Variants in EMILIN1 observed in about 807,000 individuals in gnomAD.
The protein encoded by EMILIN1 is EMILIN-1.
In EMILIN1, 49 loss-of-function variants were observed where a neutral mutation model predicts 82.4. That is an observed-to-expected ratio of 0.59 (90% CI 0.47 to 0.75). The LOEUF (loss-of-function observed/expected upper bound fraction) is 0.75, where lower values mean the gene tolerates loss of function less well. Ranked by LOEUF, EMILIN1 falls within the 30% of genes least tolerant of loss-of-function variation. The pLI is 0.00. For missense variants in EMILIN1, 1,313 were observed against 1,366.4 expected (o/e 0.96, Z 0.62); for synonymous variants, 604 against 602.2 (o/e 1.00, Z -0.04).
At chr2:27,079,966 A>T (rs1669444803) in intron 1 of EMILIN1, among the ~76,000 whole-genome samples, 185 bp from the exon 2 acceptor site, 1 of 152,174 alleles carries the variant, frequency 6.6e-6, no homozygotes, top group Non-Finnish European at 1.5e-5. Flanking sequence ...AAAAGTCTTT[A>T]TCTGCTCCTG....
In EMILIN1 at chr2:27,078,809, C is replaced by G. The variant is rs906652487; in HGVS notation, c.-257C>G. ...GGGAGGCCAGAGGGGGCACAGAGAA[C>G]AAACCCCCTCAGAAGTGAAGAGGAG... On this transcript the variant is annotated 5_prime_UTR_variant, in exon 1 of 8. Transcript: ENST00000380320. The G allele has an allele frequency of 2.4e-6, 1 of 424,542 alleles. No individual in the cohort carries two copies. 26.3% of individuals were successfully genotyped at this position (424,542 alleles called of 1,614,324 possible). A position where few individuals can be genotyped will look rare whatever the true frequency, so the allele number is the denominator to read the frequency against.
chr2:27,083,204 C>T lies in EMILIN1; in HGVS notation c.1633C>T (p.Arg545Cys), dbSNP rs569070507. Reference sequence around the variant, plus strand: ...AGAGGTTGTGGGCCGGCTCCAGGATCGTGTGGATGCCCAGGATGAGACAGC... The same window carrying T: ...AGAGGTTGTGGGCCGGCTCCAGGATTGTGTGGATGCCCAGGATGAGACAGC... ...LQEVVGRLQD[R>C]VDAQDETAAE... Residue 545 changes from arginine to cysteine, a missense_variant, in exon 4 of 8, where the codon CGT becomes TGT. Coordinates refer to ENST00000380320, the MANE Select transcript of EMILIN1 (RefSeq NM_007046.4). 4.3e-6 allele frequency: 7 copies of T among 1,611,656 alleles called. No homozygotes were observed. The highest frequency in any genetic ancestry group is 4.5e-5 in the East Asian group (2 of 44,814).
Position 27,082,494 on chromosome 2 carries a change from G to A in EMILIN1, c.923G>A (p.Gly308Glu). The A allele has an allele frequency of 6.5e-7, 1 of 1,549,830 alleles. No homozygotes were observed. The highest frequency in any genetic ancestry group is 8.7e-7 in the Non-Finnish European group (1 of 1,148,524). The change falls in exon 4 of 8, where the codon GGG (glycine) becomes GAG (glutamate). Residue 308 changes from glycine to glutamate, a missense_variant. Gly to Glu is a moderately conservative substitution (Grantham distance 98). Coordinates refer to ENST00000380320, the MANE Select transcript of EMILIN1 (RefSeq NM_007046.4). ...LQESCSVCLA[G>E]LDGFRRQQQE... Reference sequence around the variant, plus strand: ...GAGTCCTGCTCCGTGTGCCTGGCCGGGCTAGATGGCTTCCGCCGGCAGCAG... The same window carrying A: ...GAGTCCTGCTCCGTGTGCCTGGCCGAGCTAGATGGCTTCCGCCGGCAGCAG...
At chr2:27,084,178 A>C (rs1023341787) in intron 4 of EMILIN1, among the ~76,000 whole-genome samples, 167 bp downstream of exon 4, 1 of 152,074 alleles carries the variant, frequency 6.6e-6, no homozygotes, top group Non-Finnish European at 1.5e-5. Flanking sequence ...GAGATGATGC[A>C]AGGTCCTAGC....
rs906683476 is a variant in EMILIN1 at position 27,079,026 on chromosome 2, G to A, written c.-40G>A. Reference sequence around the variant, plus strand: ...GGCCGGCAGAGGCGCCAGTGGCTGGGCGGGATGAGTCTCTGAGGGCCACTG... The same window carrying A: ...GGCCGGCAGAGGCGCCAGTGGCTGGACGGGATGAGTCTCTGAGGGCCACTG... On this transcript the variant is annotated 5_prime_UTR_variant, in exon 1 of 8. Transcript: ENST00000380320. 2 of 1,474,696 alleles carry A rather than the reference G, an allele frequency of 1.4e-6. No individual in the cohort carries two copies. The highest frequency in any genetic ancestry group is 2.4e-5 in the Admixed American group (1 of 41,682). 91.4% of individuals were successfully genotyped at this position (1,474,696 alleles called of 1,614,324 possible). A position where few individuals can be genotyped will look rare whatever the true frequency, so the allele number is the denominator to read the frequency against.
Position 27,083,780 on chromosome 2 carries a change from T to C in EMILIN1, c.2209T>C (p.Leu737=), listed in dbSNP as rs1282827773. ...LGRLEGVCER[L]DTVAGGLQGL... is the part of the protein sequence containing the mutation. ...CCGTCTTGAGGGTGTCTGTGAACGG[T>C]TGGACACTGTGGCTGGGGGACTGCA... The change falls in exon 4 of 8, where the codon TTG becomes CTG. Residue 737 remains leucine, a synonymous_variant. Coordinates refer to ENST00000380320, the MANE Select transcript of EMILIN1 (RefSeq NM_007046.4). 8.1e-6 allele frequency: 13 copies of C among 1,607,142 alleles called. No individual in the cohort carries two copies. The highest frequency in any genetic ancestry group is 1.3e-5 in the African/African-American group (1 of 74,786).
chr2:27,079,308 C>T lies in EMILIN1; in HGVS notation c.170+73C>T, dbSNP rs1439224667. The stretch of plus-strand genomic sequence containing the variant: ...CAGAATGCCACCTCTGCCTGGCTCT[C>T]TGCTGTGTCCGCTAATGCAGGGCAG... On this transcript the variant is annotated intron_variant, in intron 1 of 7. Transcript: ENST00000380320. The T allele has an allele frequency of 4.6e-6, 6 of 1,298,880 alleles. No individual in the cohort carries two copies. In the East Asian group the frequency reaches 1.8e-4, roughly 38 times the overall value. The allele number at this position is 1,298,880 out of a possible 1,614,324, so 80.5% of individuals were successfully genotyped here. A position where few individuals can be genotyped will look rare whatever the true frequency, so the allele number is the denominator to read the frequency against.
chr2:27,079,827 A>G (rs1393785500), intron 1 of EMILIN1, among the ~76,000 whole-genome samples: 3 of 152,214 alleles, frequency 2.0e-5, no homozygotes, highest in Non-Finnish European at 4.4e-5. Context: ...ACAGCATGCC[A>G]ATCTGGGGAC....
Position 27,082,450 on chromosome 2 carries a change from G to C in EMILIN1, c.879G>C (p.Gln293His). The C allele has an allele frequency of 6.3e-7, 1 of 1,578,184 alleles. No individual in the cohort carries two copies. The highest frequency in any genetic ancestry group is 8.6e-7 in the Non-Finnish European group (1 of 1,165,036). The change falls in exon 4 of 8, where the codon CAG (glutamine) becomes CAC (histidine). Residue 293 changes from glutamine to histidine, a missense_variant. Physicochemically the swap from Gln to His is conservative, Grantham distance 24 (BLOSUM62 0). Transcript: ENST00000380320. ...PPGPSEELLR[Q>H]LEQRLQESCS... ...GCCCCAGTGAGGAGCTGCTGCGGCA[G>C]CTGGAGCAGCGGTTGCAGGAGTCCT... is the stretch of plus-strand genomic sequence containing the variant.
rs2148322132 is a variant in EMILIN1 at position 27,086,159 on chromosome 2, C to T, written c.*144C>T. ...AGCGGCACCGCGCCCAGAGCGGCCTCTCCCCACGCCCGGGGCGCGCCGGCT... is the reference window on the plus strand; with the variant it reads ...AGCGGCACCGCGCCCAGAGCGGCCTTTCCCCACGCCCGGGGCGCGCCGGCT... On this transcript the variant is annotated 3_prime_UTR_variant, in exon 8 of 8. Coordinates refer to ENST00000380320, the MANE Select transcript of EMILIN1 (RefSeq NM_007046.4). The T allele has an allele frequency of 5.5e-6, 3 of 545,556 alleles. No homozygotes were observed. The South Asian group carries it at 2.5e-4, about 45-fold the overall frequency. The allele number at this position is 545,556 out of a possible 1,614,324, so 33.8% of individuals were successfully genotyped here.
chr2:27,082,685 G>T lies in EMILIN1; in HGVS notation c.1114G>T (p.Val372Leu), dbSNP rs1039560853. The part of the protein sequence containing the change: ...LAELERRLDV[V>L]AGSVTVLSGR... ...AGAGCTGGAGCGCAGGCTGGATGTC[G>T]TGGCCGGCTCAGTGACAGTGCTGAG... The change falls in exon 4 of 8, where the codon GTG becomes TTG. Residue 372 changes from valine to leucine, a missense_variant. Coordinates refer to ENST00000380320, the MANE Select transcript of EMILIN1 (RefSeq NM_007046.4). 77 of 1,554,198 alleles carry T rather than the reference G, an allele frequency of 5.0e-5. No individual in the cohort carries two copies. The highest frequency in any genetic ancestry group is 5.9e-5 in the Non-Finnish European group (68 of 1,153,304).
At chr2:27,081,108 C>CGTGTGTGTGTGTGT (rs56048649) in intron 3 of EMILIN1, among the ~76,000 whole-genome samples, 156 bp downstream of exon 3, 14 of 142,554 alleles carry the variant, frequency 9.8e-5, no homozygotes, top group African/African-American at 2.1e-4. Flanking sequence ...ATTCCCTGCC[C>CGTGTGTGTGTGTGT]GTGTGTGTGT....
Position 27,085,242 on chromosome 2 carries a change from G to A in EMILIN1, c.2658G>A (p.Thr886=), listed in dbSNP as rs774676569. The A allele has an allele frequency of 1.8e-5, 29 of 1,614,008 alleles. No individual in the cohort carries two copies. The African/African-American group carries it at 1.9e-4, about 10-fold the overall frequency. ...GTTTGCCCCGGTCTGAACCAGGCAC[G>A]GTCCCCTTCGACAGAGTCCTGCTCA... ...ALSLPRSEPG[T]VPFDRVLLND... Residue 886 remains threonine (T), a synonymous_variant, in exon 7 of 8, where the codon ACG becomes ACA. Transcript: ENST00000380320.
chr2:27,082,606 G>A lies in EMILIN1; in HGVS notation c.1035G>A (p.Val345=). The change falls in exon 4 of 8, where the codon GTG becomes GTA. Residue 345 remains valine (V), a synonymous_variant. Coordinates refer to ENST00000380320, the MANE Select transcript of EMILIN1 (RefSeq NM_007046.4). ...ERQRHLAGLA[V]GRRPPQECCS... ...AACGGCACCTCGCAGGGCTGGCGGT[G>A]GGCCGCAGGCCCCCTCAGGAATGCT... The A allele has an allele frequency of 6.5e-7, 1 of 1,543,192 alleles. No homozygotes were observed. Among genetic ancestry groups the A allele is most frequent in the Admixed American group, 2.0e-5 (1 of 51,076 alleles).
rs893989263 is a variant in EMILIN1, at chr2:27,078,999, G to A, written c.-67G>A. 1.0e-5 allele frequency: 13 copies of A among 1,287,360 alleles called. No homozygotes were observed. The Admixed American group carries it at 1.2e-4, about 12-fold the overall frequency. 79.7% of individuals were successfully genotyped at this position (1,287,360 alleles called of 1,614,324 possible). On this transcript the variant is annotated 5_prime_UTR_variant, in exon 1 of 8. Transcript: ENST00000380320. ...TGTCCTGTGGAGCAGCAGCATCCCC[G>A]GGGCCGGCAGAGGCGCCAGTGGCTG...
chr2:27,083,100 A>G lies in EMILIN1; in HGVS notation c.1529A>G (p.Gln510Arg), dbSNP rs754961210. The G allele has an allele frequency of 1.3e-6, 2 of 1,562,112 alleles. No individual in the cohort carries two copies. The highest frequency in any genetic ancestry group is 1.2e-5 in the South Asian group (1 of 82,602). The change falls in exon 4 of 8, where the codon CAG becomes CGG. Residue 510 changes from glutamine (Q) to arginine (R), a missense_variant. Transcript: ENST00000380320. ...LERRVLDSEG[Q>R]LRLVGSGLHT... ...CGCAGGGTGCTGGACAGTGAGGGGCAGCTGCGGCTGGTGGGCTCCGGCCTG... is the reference window on the plus strand; with the variant it reads ...CGCAGGGTGCTGGACAGTGAGGGGCGGCTGCGGCTGGTGGGCTCCGGCCTG...
rs377621718 is a variant in EMILIN1 at position 27,082,234 on chromosome 2, G to A, written c.663G>A (p.Arg221=). Residue 221 remains arginine, a synonymous_variant, in exon 4 of 8, where the codon AGG becomes AGA. Transcript: ENST00000380320. ...QRAVETAFNG[R]QQPADAAARP... is the part of the protein sequence containing the mutation. ...CTGTGGAGACGGCCTTCAACGGGAG[G>A]CAGCAGCCAGCTGACGCGGCTGCCC... 31 of 1,613,412 alleles carry A rather than the reference G, an allele frequency of 1.9e-5. No homozygotes were observed. In the African/African-American group the frequency reaches 4.1e-4, roughly 21 times the overall value.
At chr2:27,085,476 A>C (rs550015394) in intron 7 of EMILIN1, among the ~76,000 whole-genome samples, 179 bp downstream of exon 7, 9 of 152,356 alleles carry the variant, frequency 5.9e-5, no homozygotes, top group Middle Eastern at 3.4e-3. Flanking sequence ...TCATTCATTC[A>C]TTCAGCAGAT....
chr2:27,079,100 G>A lies in EMILIN1; in HGVS notation c.35G>A (p.Cys12Tyr). The A allele has an allele frequency of 6.2e-7, 1 of 1,606,104 alleles. No individual in the cohort carries two copies. The highest frequency in any genetic ancestry group is 8.5e-7 in the Non-Finnish European group (1 of 1,176,838). ...CGCACCCTCTGGAGCTGCTACCTCT[G>A]CTGCCTGCTGACGGCAGCTGCAGGG... ...APRTLWSCYL[C>Y]CLLTAAAGAA... The change falls in exon 1 of 8, where the codon TGC becomes TAC. Residue 12 changes from cysteine to tyrosine, a missense_variant. By Grantham distance (194) the Cys-to-Tyr change is radical (BLOSUM62 -2). Transcript: ENST00000380320.
Sources: allele counts gnomAD v4.1 joint callset (sites outside exome capture counted in the v4.1 genomes callset), GRCh38; gene constraint gnomAD v4.1.1; transcripts MANE v1.5; gene names NCBI Gene and HGNC (gene_info 2026-07-23, HGNC 2026-07-21).